The following NRG3 variants were observed in gnomAD, a reference collection of about 807,000 sequenced individuals.
NRG3 encodes neuregulin 3, also known as pro-neuregulin-3, membrane-bound isoform.
A neutral mutation model predicts 66.9 loss-of-function variants in NRG3; 31 were observed. That is an observed-to-expected ratio of 0.46 (90% CI 0.35 to 0.63). The LOEUF (loss-of-function observed/expected upper bound fraction) is 0.63. Among genes scored for constraint, NRG3 ranks in the 20% least tolerant of loss-of-function variants. The probability of loss-of-function intolerance (pLI) is 0.00; values close to 1 mark genes in which losing one functional copy is unlikely to be tolerated. For synonymous variants in NRG3, 393 were observed against 359.4 expected (o/e 1.09, Z -1.06); for missense variants, 910 against 878.9 (o/e 1.04, Z -0.45).
At chr10:82,008,660 T>C (rs1172657676) in intron 1 of NRG3, among the ~76,000 whole-genome samples, 3 of 152,204 alleles carry the variant, frequency 2.0e-5, no homozygotes, top group Non-Finnish European at 4.4e-5. Context: ...CCATCATTTT[T>C]TCTCTGGATC....
At chr10:82,862,978 T>C (rs2064215459) in intron 3 of NRG3, among the ~76,000 whole-genome samples, 1 of 152,088 alleles carries the variant, frequency 6.6e-6, no homozygotes, top group Non-Finnish European at 1.5e-5. Flanking sequence ...CCCACATGCA[T>C]TACGTATTTG....
chr10:82,298,739 T>A (rs557348110), intron 1 of NRG3, among the ~76,000 whole-genome samples: 1 of 152,186 alleles, frequency 6.6e-6, no homozygotes, highest in Admixed American at 6.5e-5. Context: ...AGGAATTCTA[T>A]GCTGTGCACA....
chr10:82,417,934 G>T (rs1590057554), intron 2 of NRG3, among the ~76,000 whole-genome samples: 1 of 152,206 alleles, frequency 6.6e-6, no homozygotes, highest in Non-Finnish European at 1.5e-5. Flanking sequence ...CTCAATGAGT[G>T]ATGATGGTAA....
chr10:82,191,233 C>T (rs1395299498), intron 1 of NRG3, among the ~76,000 whole-genome samples: 23 of 152,024 alleles, frequency 1.5e-4, no homozygotes, highest in Admixed American at 1.5e-3. Flanking sequence ...TCTGCTGAAT[C>T]CTTAATTTTT....
At chr10:82,651,746 T>C (rs149200437) in intron 2 of NRG3, among the ~76,000 whole-genome samples, 52 of 152,268 alleles carry the variant, frequency 3.4e-4, no homozygotes, top group Admixed American at 9.2e-4. Context: ...TAGCGTGTAA[T>C]GGTTGGAGGC....
chr10:82,820,095 C>G (rs568638687), intron 3 of NRG3, among the ~76,000 whole-genome samples: 1 of 152,250 alleles, frequency 6.6e-6, no homozygotes, highest in Admixed American at 6.5e-5. Flanking sequence ...AAAAGACTAA[C>G]AACTAAAAAT....
intron 1 of NRG3, among the ~76,000 whole-genome samples, chr10:81,914,233 TTTC>T (rs1845453534): frequency 2.6e-5 from 4 of 152,212 alleles, no homozygotes; most frequent in South Asian, 2.1e-4. Flanking sequence ...TCACTTAAAA[TTTC>T]TTCAATTCTT....
chr10:82,323,350 G>T (rs1372640558), intron 1 of NRG3, among the ~76,000 whole-genome samples: 2 of 152,192 alleles, frequency 1.3e-5, no homozygotes, highest in Non-Finnish European at 2.9e-5. Context: ...CCTCAATAGT[G>T]TCAGCCAGGG....
intron 1 of NRG3, among the ~76,000 whole-genome samples, chr10:82,235,880 A>G (rs927494027): frequency 6.6e-6 from 1 of 152,104 alleles, no homozygotes; most frequent in African/African-American, 2.4e-5. Flanking sequence ...ATGCCTCTAT[A>G]TTAATAGAGA....
chr10:82,719,850 T>C (rs951170884), intron 2 of NRG3, among the ~76,000 whole-genome samples: 1 of 152,222 alleles, frequency 6.6e-6, no homozygotes, highest in Non-Finnish European at 1.5e-5. Flanking sequence ...GTTTCTGTTT[T>C]CTGGGTATAC....
chr10:82,771,874 A>G (rs2059724861), intron 3 of NRG3, among the ~76,000 whole-genome samples: 1 of 152,120 alleles, frequency 6.6e-6, no homozygotes, highest in South Asian at 2.1e-4. Context: ...TGTTGTCTAA[A>G]TCAATTTTGG....
chr10:82,241,735 TC>T (rs1022824077), intron 1 of NRG3, among the ~76,000 whole-genome samples: 18 of 152,270 alleles, frequency 1.2e-4, no homozygotes, highest in African/African-American at 4.3e-4. Context: ...GAGGTTAAAT[TC>T]CCCCAGTGAT....
intron 2 of NRG3, among the ~76,000 whole-genome samples, chr10:82,485,054 G>A (rs1479988613): frequency 6.6e-6 from 1 of 152,116 alleles, no homozygotes; most frequent in East Asian, 1.9e-4. Flanking sequence ...GTATGAACAA[G>A]ATAATATGTT....
intron 2 of NRG3, among the ~76,000 whole-genome samples, chr10:82,612,415 A>T (rs2048370093): frequency 6.6e-6 from 1 of 152,124 alleles, no homozygotes; most frequent in Admixed American, 6.6e-5. Flanking sequence ...AGTAAAAATC[A>T]ATGTGATGTT....
At chr10:82,953,827 G>T (rs1227066788) in intron 5 of NRG3, among the ~76,000 whole-genome samples, 1 of 151,622 alleles carries the variant, frequency 6.6e-6, no homozygotes, top group Non-Finnish European at 1.5e-5. Context: ...GCATGGTGGT[G>T]AGCACCTGTA....
At chr10:81,970,425 C>A (rs2059891484) in intron 1 of NRG3, among the ~76,000 whole-genome samples, 1 of 152,102 alleles carries the variant, frequency 6.6e-6, no homozygotes, top group Non-Finnish European at 1.5e-5. Flanking sequence ...GTAAAAGATT[C>A]TTTTTCTTAA....
intron 2 of NRG3, among the ~76,000 whole-genome samples, chr10:82,504,679 A>G (rs1844508943): frequency 6.6e-6 from 1 of 152,222 alleles, no homozygotes; most frequent in Non-Finnish European, 1.5e-5. Context: ...TAATGTGGAA[A>G]AGTAAGCCCA....
At chr10:82,556,206 C>G (rs1032047021) in intron 2 of NRG3, among the ~76,000 whole-genome samples, 1 of 151,294 alleles carries the variant, frequency 6.6e-6, no homozygotes, top group East Asian at 1.9e-4. Context: ...ATTTTTTTTT[C>G]TATTCTCAAT....
chr10:82,450,659 T>A (rs1041652664), intron 2 of NRG3, among the ~76,000 whole-genome samples: 1 of 152,164 alleles, frequency 6.6e-6, no homozygotes, highest in African/African-American at 2.4e-5. Context: ...CATCCTCTGC[T>A]CAGGTGGATT....
Sources: gnomAD v4.1 joint callset for allele counts (sites outside exome capture counted in the v4.1 genomes callset) on GRCh38, gnomAD v4.1.1 for gene constraint, MANE v1.5 for transcripts, NCBI Gene and HGNC (gene_info 2026-07-23, HGNC 2026-07-21) for gene names.